The following TAFA2 variants were observed in gnomAD, a reference collection of about 807,000 sequenced individuals.
The protein encoded by TAFA2 is chemokine-like protein TAFA-2.
A neutral mutation model predicts 18.8 loss-of-function variants in TAFA2; 7 were observed. That is an observed-to-expected ratio of 0.37 (90% CI 0.21 to 0.70). The LOEUF is 0.70. Among genes scored for constraint, TAFA2 ranks in the 30% least tolerant of loss-of-function variants. TAFA2 has a pLI of 0.53. For missense variants in TAFA2, 122 were observed against 158.1 expected (o/e 0.77, Z 1.23); for synonymous variants, 60 against 54.2 (o/e 1.11, Z -0.47).
intron 2 of TAFA2, among the ~76,000 whole-genome samples, chr12:61,780,653 C>T (rs1279764887): frequency 1.3e-5 from 2 of 151,614 alleles, no homozygotes; most frequent in African/African-American, 4.8e-5. Context: ...AGGAGCCTAA[C>T]TTTGATAAAC....
intron 1 of TAFA2, among the ~76,000 whole-genome samples, chr12:61,957,459 G>A (rs1180119065): frequency 6.6e-6 from 1 of 152,074 alleles, no homozygotes; most frequent in Non-Finnish European, 1.5e-5. Flanking sequence ...ATGGTAAAGG[G>A]ATTCTTCTGA....
intron 1 of TAFA2, among the ~76,000 whole-genome samples, chr12:62,081,764 C>A (rs1868328946): frequency 6.6e-6 from 1 of 152,118 alleles, no homozygotes; most frequent in Non-Finnish European, 1.5e-5. Context: ...TGATTACAGG[C>A]ATGAGCCACC....
At chr12:61,840,243 A>C (rs937001926) in intron 2 of TAFA2, among the ~76,000 whole-genome samples, 1 of 151,972 alleles carries the variant, frequency 6.6e-6, no homozygotes, top group Non-Finnish European at 1.5e-5. Context: ...ATTCTGACTT[A>C]ATATGCTTCA....
At chr12:62,174,915 C>G (rs1452712286) in intron 1 of TAFA2, among the ~76,000 whole-genome samples, 1 of 152,104 alleles carries the variant, frequency 6.6e-6, no homozygotes, top group Non-Finnish European at 1.5e-5. Context: ...TCAATACATA[C>G]AGATATATTC....
chr12:62,225,293 G>A (rs2062781401), intron 1 of TAFA2, among the ~76,000 whole-genome samples: 1 of 152,036 alleles, frequency 6.6e-6, no homozygotes, highest in Non-Finnish European at 1.5e-5. Context: ...AAATGGTGTT[G>A]GGACAATAAT....
intron 2 of TAFA2, among the ~76,000 whole-genome samples, chr12:61,785,319 T>TTGTGTGTGTGTGTGTGTGTG (rs57166010): frequency 5.0e-5 from 7 of 140,192 alleles, no homozygotes; most frequent in African/African-American, 1.8e-4. Context: ...AATAGTATTC[T>TTGTGTGTGTGTGTGTGTGTG]TGTGTGTGTG....
At chr12:62,114,395 T>C (rs886195702) in intron 1 of TAFA2, among the ~76,000 whole-genome samples, 3 of 152,210 alleles carry the variant, frequency 2.0e-5, no homozygotes, top group African/African-American at 4.8e-5. Context: ...ACCTTCTGCA[T>C]TGATCTCACT....
At chr12:61,726,829 A>C (rs1870191292) in intron 4 of TAFA2, among the ~76,000 whole-genome samples, 1 of 151,372 alleles carries the variant, frequency 6.6e-6, no homozygotes, top group African/African-American at 2.4e-5. Context: ...AATGCTTTCA[A>C]CTCCTCCCTG....
chr12:61,729,423 A>G (rs1213983613), intron 4 of TAFA2, among the ~76,000 whole-genome samples: 1 of 151,436 alleles, frequency 6.6e-6, no homozygotes, highest in Non-Finnish European at 1.5e-5. Context: ...AATTTTTTAA[A>G]TTTTTTTCTT....
chr12:62,143,624 G>A (rs1031085096), intron 1 of TAFA2, among the ~76,000 whole-genome samples: 2 of 152,248 alleles, frequency 1.3e-5, no homozygotes, highest in Middle Eastern at 3.4e-3. Context: ...CACAACCTGA[G>A]CAGCTTTCAG....
chr12:61,916,387 T>C (rs765113420), intron 1 of TAFA2, among the ~76,000 whole-genome samples: 2 of 152,186 alleles, frequency 1.3e-5, no homozygotes, highest in African/African-American at 2.4e-5. Flanking sequence ...GACGGTTGAT[T>C]GTGAGGATCA....
At chr12:61,778,040 C>T (rs1404928892) in intron 2 of TAFA2, among the ~76,000 whole-genome samples, 1 of 151,696 alleles carries the variant, frequency 6.6e-6, no homozygotes, top group Non-Finnish European at 1.5e-5. Flanking sequence ...GGAAATCTTT[C>T]CTATTGTGAA....
At chr12:61,826,940 G>C (rs1043762631) in intron 2 of TAFA2, among the ~76,000 whole-genome samples, 3 of 151,992 alleles carry the variant, frequency 2.0e-5, no homozygotes, top group Non-Finnish European at 4.4e-5. Flanking sequence ...CTGACAAAAT[G>C]ACCTATACAG....
At chr12:62,087,916 C>A (rs1049982610) in intron 1 of TAFA2, among the ~76,000 whole-genome samples, 10 of 152,048 alleles carry the variant, frequency 6.6e-5, no homozygotes, top group African/African-American at 1.4e-4. Flanking sequence ...GTAAAGCCAA[C>A]AAATCTTGCT....
chr12:61,748,604 C>A (rs1868849791), intron 4 of TAFA2, among the ~76,000 whole-genome samples: 1 of 152,110 alleles, frequency 6.6e-6, no homozygotes, highest in Admixed American at 6.6e-5. Flanking sequence ...TTTAGATCCA[C>A]CAGCAGAGCA....
chr12:62,169,973 A>G (rs900566246), intron 1 of TAFA2, among the ~76,000 whole-genome samples: 2 of 152,154 alleles, frequency 1.3e-5, no homozygotes, highest in African/African-American at 4.8e-5. Context: ...AGCCTAAGAT[A>G]TATAATAGAA....
chr12:62,145,285 T>C (rs1437371811), intron 1 of TAFA2, among the ~76,000 whole-genome samples: 3 of 152,220 alleles, frequency 2.0e-5, no homozygotes, highest in African/African-American at 7.2e-5. Context: ...CAGTACCGCC[T>C]GAGCTCTGCC....
chr12:61,765,156 T>C (rs1869732062), intron 2 of TAFA2, among the ~76,000 whole-genome samples: 1 of 152,088 alleles, frequency 6.6e-6, no homozygotes, highest in South Asian at 2.1e-4. Flanking sequence ...AAGTAAGTTA[T>C]GCTTTTTCAA....
chr12:61,975,290 A>G (rs774200811), intron 1 of TAFA2, among the ~76,000 whole-genome samples: 6 of 151,652 alleles, frequency 4.0e-5, no homozygotes, highest in Non-Finnish European at 8.8e-5. Context: ...TTTGACCTAC[A>G]TCTCCCCATT....
Sources: allele counts gnomAD v4.1 joint callset (sites outside exome capture counted in the v4.1 genomes callset), GRCh38; gene constraint gnomAD v4.1.1; transcripts MANE v1.5; gene names NCBI Gene and HGNC (gene_info 2026-07-23, HGNC 2026-07-21).